Variants in TEX11 observed in about 807,000 individuals in gnomAD.
TEX11 encodes testis-expressed protein 11.
In TEX11, 7 loss-of-function variants were observed where a neutral mutation model predicts 84.4. The observed-to-expected ratio is 0.08, with a 90% CI of 0.05 to 0.16. The LOEUF is 0.16. Among genes scored for constraint, TEX11 ranks in the 10% least tolerant of loss-of-function variants. The pLI, the probability that TEX11 is intolerant of heterozygous loss-of-function variation, is 1.00. For synonymous variants in TEX11, 264 were observed against 222.8 expected (o/e 1.18, Z -1.64); for missense variants, 551 against 660.5 (o/e 0.83, Z 1.82).
intron 9 of TEX11, among the ~76,000 whole-genome samples, chrX:70,793,431 T>A (rs1906588426): frequency 8.9e-6 from 1 of 111,766 alleles, no homozygotes; most frequent in African/African-American, 3.3e-5. Context: ...TGGGGGCATA[T>A]CTCTCATGAA....
chrX:70,607,144 G>A (rs1315764543), intron 22 of TEX11, 115 bp from the exon 23 acceptor site: 7 of 497,958 alleles, frequency 1.4e-5, no homozygotes, highest in African/African-American at 1.2e-4. Flanking sequence ...CTAGTAAGGG[G>A]TTTCTCAAGG....
rs1392927296 is a variant in TEX11 at position 70,712,869 on chromosome X, G to A, written c.1004+9749C>T. ...AGAGAGGGCATCCCTGTCTTGTGCC[G>A]GTTTTCAAAGGGAATGCTTCCAGTG... On this transcript the variant is annotated intron_variant, in intron 13 of 29. Coordinates refer to ENST00000374333, the MANE Select transcript of TEX11 (RefSeq NM_031276.3). 1.9e-3 allele frequency among the ~76,000 whole-genome samples: 213 copies of A among 110,400 alleles called. 2 individuals carry two copies. Among genetic ancestry groups the A allele is most frequent in the African/African-American group, 4.8e-3 (147 of 30,336 alleles).
chrX:70,692,725 A>G (rs2090246794), intron 13 of TEX11, among the ~76,000 whole-genome samples: 2 of 110,446 alleles, frequency 1.8e-5, no homozygotes, highest in Non-Finnish European at 3.8e-5. Context: ...ATCCACTAAT[A>G]GACACTTGGG....
chrX:70,677,810 C>CTTTTTTTTTT (rs35653618), intron 15 of TEX11, among the ~76,000 whole-genome samples: 2 of 63,582 alleles, frequency 3.1e-5, no homozygotes, highest in Non-Finnish European at 5.5e-5. Context: ...CTTTTCTTTC[C>CTTTTTTTTTT]TTTTTTTTTT....
intron 16 of TEX11, among the ~76,000 whole-genome samples, chrX:70,667,161 T>C (rs2089983038): frequency 8.9e-6 from 1 of 112,039 alleles, no homozygotes; most frequent in African/African-American, 3.2e-5. Flanking sequence ...TTCCAAAACA[T>C]AGTTTTATTG....
intron 8 of TEX11, among the ~76,000 whole-genome samples, chrX:70,815,416 C>T (rs1358229962): frequency 9.0e-6 from 1 of 110,803 alleles, no homozygotes; most frequent in East Asian, 2.8e-4. Context: ...CAGTAGTTCC[C>T]CCCATCCATG....
chrX:70,728,460 C>T (rs1260220921), intron 11 of TEX11, among the ~76,000 whole-genome samples: 1 of 112,911 alleles, frequency 8.9e-6, no homozygotes, highest in Non-Finnish European at 1.9e-5. Flanking sequence ...AGGTCACTCC[C>T]ACCATAATAC....
chrX:70,903,112 C>T (rs754341428), intron 2 of TEX11, among the ~76,000 whole-genome samples: 4 of 111,772 alleles, frequency 3.6e-5, no homozygotes, highest in East Asian at 2.8e-4. Context: ...TCACCTACTG[C>T]GATAATAGTG....
chrX:70,517,887 A>G, the TEX11 span, among the ~76,000 whole-genome samples: 15 of 111,148 alleles, frequency 1.3e-4, no homozygotes, highest in Non-Finnish European at 2.8e-4. Flanking sequence ...CATTTCTTCT[A>G]GATTTTCTAG....
chrX:70,854,750 C>T (rs2091526358), intron 5 of TEX11, among the ~76,000 whole-genome samples: 1 of 106,590 alleles, frequency 9.4e-6, no homozygotes, highest in Non-Finnish European at 1.9e-5. Context: ...AAAAAAAAAG[C>T]ATATGTTATT....
chrX:70,828,289 C>A (rs1037120101), intron 8 of TEX11, among the ~76,000 whole-genome samples: 1 of 110,700 alleles, frequency 9.0e-6, no homozygotes, highest in Admixed American at 9.7e-5. Context: ...TGTGACTTTT[C>A]GGACAGAAAA....
At chrX:70,710,904 C>T (rs2090424598) in intron 13 of TEX11, among the ~76,000 whole-genome samples, 1 of 110,481 alleles carries the variant, frequency 9.1e-6, no homozygotes, top group South Asian at 4.0e-4. Flanking sequence ...CGTCATTTAA[C>T]ATTAGGTATA....
intron 28 of TEX11, among the ~76,000 whole-genome samples, chrX:70,550,769 T>C (rs1247673874): frequency 9.0e-6 from 1 of 111,321 alleles, no homozygotes; most frequent in African/African-American, 3.3e-5. Flanking sequence ...GGTGAGGATG[T>C]GGAGAAAAGG....
At chrX:70,655,340 A>G (rs2089853948) in intron 16 of TEX11, among the ~76,000 whole-genome samples, 1 of 111,378 alleles carries the variant, frequency 9.0e-6, no homozygotes, top group Non-Finnish European at 1.9e-5. Context: ...TCAGGATGTA[A>G]CCACATCGTA....
intron 16 of TEX11, among the ~76,000 whole-genome samples, chrX:70,661,162 A>T (rs778223859): frequency 1.8e-5 from 2 of 111,840 alleles, no homozygotes; most frequent in Admixed American, 9.4e-5. Context: ...TTGGAAAATC[A>T]GGTCACTCCC....
chrX:70,804,434 T>C (rs913520956), intron 9 of TEX11, among the ~76,000 whole-genome samples: 1 of 112,362 alleles, frequency 8.9e-6, no homozygotes, highest in Non-Finnish European at 1.9e-5. Context: ...CATTAAAATA[T>C]GATAATTCCT....
At chrX:70,536,844 T>C (rs182088428) in intron 28 of TEX11, among the ~76,000 whole-genome samples, 88 of 112,399 alleles carry the variant, frequency 7.8e-4, no homozygotes, top group African/African-American at 2.6e-3. Flanking sequence ...AAAAATCCTA[T>C]TGAGATTTTA....
At chrX:70,569,382 G>T in intron 25 of TEX11, among the ~76,000 whole-genome samples, 1 of 111,661 alleles carries the variant, frequency 9.0e-6, no homozygotes, top group African/African-American at 3.3e-5. Flanking sequence ...TAGTTTGATT[G>T]TCTGAAGCCT....
intron 9 of TEX11, among the ~76,000 whole-genome samples, chrX:70,750,933 A>AAATATATATATAT (rs1390175136): frequency 5.3e-4 from 15 of 28,186 alleles, no homozygotes; most frequent in East Asian, 1.8e-3. Flanking sequence ...AAAAAAAAAA[A>AAATATATATATAT]ATATATATAT....
Sources: gnomAD v4.1 joint callset for allele counts (sites outside exome capture counted in the v4.1 genomes callset) on GRCh38, gnomAD v4.1.1 for gene constraint, MANE v1.5 for transcripts, NCBI Gene and HGNC (gene_info 2026-07-23, HGNC 2026-07-21) for gene names.